The following CLVS1 variants were observed in gnomAD, a reference collection of about 807,000 sequenced individuals.
The protein encoded by CLVS1 is clavesin-1.
A neutral mutation model predicts 33.1 loss-of-function variants in CLVS1; 10 were observed. That is an observed-to-expected ratio of 0.30 (90% confidence interval 0.19 to 0.51). The LOEUF is 0.51. CLVS1 is among the 20% of genes least tolerant of loss of function. The probability of loss-of-function intolerance (pLI) is 0.97; values close to 1 mark genes in which losing one functional copy is unlikely to be tolerated. For synonymous variants in CLVS1, 163 were observed against 166.1 expected, an observed-to-expected ratio of 0.98 and a Z score of 0.14; for missense variants, 343 against 433.4, an observed-to-expected ratio of 0.79 and a Z score of 1.85.
intron 2 of CLVS1, among the ~76,000 whole-genome samples, chr8:61,270,742 G>A (rs1809419681): frequency 6.6e-6 from 1 of 152,058 alleles, no homozygotes; most frequent in Admixed American, 6.5e-5. Context: ...TTTACTCTTG[G>A]GAGAGTGTAT....
At chr8:60,980,521 C>T in the CLVS1 span, among the ~76,000 whole-genome samples, 1 of 152,192 alleles carries the variant, frequency 6.6e-6, no homozygotes, top group Non-Finnish European at 1.5e-5. Context: ...TGGGATAGCT[C>T]ACACCTGTAA....
chr8:61,184,001 C>T (rs1054661325), intron 2 of CLVS1, among the ~76,000 whole-genome samples: 1 of 152,142 alleles, frequency 6.6e-6, no homozygotes, highest in African/African-American at 2.4e-5. Flanking sequence ...TCCTAGGCAA[C>T]TTCCAAGAAA....
chr8:61,398,835 G>C (rs1456965328), intron 3 of CLVS1, among the ~76,000 whole-genome samples: 1 of 152,124 alleles, frequency 6.6e-6, no homozygotes, highest in Non-Finnish European at 1.5e-5. Context: ...GTTTGCTGAG[G>C]ATAATGGCTT....
intron 5 of CLVS1, chr8:61,464,572 C>T (rs1817480877): frequency 6.6e-6 from 1 of 152,256 alleles, no homozygotes; most frequent in Non-Finnish European, 1.5e-5. Context: ...GGAAGAATCA[C>T]TAATTTTGTC....
chr8:61,014,223 T>G, the CLVS1 span, among the ~76,000 whole-genome samples: 1 of 152,116 alleles, frequency 6.6e-6, no homozygotes, highest in African/African-American at 2.4e-5. Flanking sequence ...TGGAATTGTT[T>G]AAGATATTCC....
intron 1 of CLVS1, among the ~76,000 whole-genome samples, chr8:61,085,408 C>G (rs1805098856): frequency 6.6e-6 from 1 of 152,134 alleles, no homozygotes; most frequent in African/African-American, 2.4e-5. Context: ...GAAATCATGT[C>G]TCTTCTCTCT....
At chr8:61,051,103 C>T in the CLVS1 span, among the ~76,000 whole-genome samples, 2 of 152,208 alleles carry the variant, frequency 1.3e-5, no homozygotes, top group African/African-American at 2.4e-5. Flanking sequence ...TCACCTGTCA[C>T]GTTGCAGATT....
At chr8:61,070,205 C>T (rs1398858334) in intron 1 of CLVS1, among the ~76,000 whole-genome samples, 2 of 152,156 alleles carry the variant, frequency 1.3e-5, no homozygotes, top group African/African-American at 4.8e-5. Context: ...GCTTACTTTC[C>T]TATCTCTGCA....
intron 2 of CLVS1, among the ~76,000 whole-genome samples, chr8:61,278,687 G>A (rs1380673572): frequency 6.6e-6 from 1 of 152,212 alleles, no homozygotes; most frequent in African/African-American, 2.4e-5. Flanking sequence ...TAGTGAAACA[G>A]GAGCCTTGAA....
chr8:61,174,995 T>A (rs149370909), intron 2 of CLVS1, among the ~76,000 whole-genome samples: 1,529 of 110,456 alleles, frequency 0.014, 12 homozygotes, highest in Non-Finnish European at 0.02. Context: ...TTATCTTATG[T>A]TTGAATTTTT....
intron 1 of CLVS1, among the ~76,000 whole-genome samples, chr8:61,113,861 G>A (rs1370114349): frequency 6.6e-6 from 1 of 152,178 alleles, no homozygotes; most frequent in Non-Finnish European, 1.5e-5. Context: ...CAAATCCCTG[G>A]CTCAGGCAAC....
intron 1 of CLVS1, among the ~76,000 whole-genome samples, chr8:61,070,917 TC>T (rs1220095326): frequency 3.9e-5 from 6 of 152,308 alleles, no homozygotes; most frequent in African/African-American, 1.4e-4. Flanking sequence ...TTGGGGTCCT[TC>T]CTCTTTGATC....
At chr8:61,055,779 C>A (rs1804464472), upstream of CLVS1, among the ~76,000 whole-genome samples, 1 of 152,200 alleles carries the variant, frequency 6.6e-6, no homozygotes, top group Non-Finnish European at 1.5e-5. Flanking sequence ...TAAACTACTA[C>A]AATAGAAAAG....
At chr8:60,971,041 C>CT in the CLVS1 span, among the ~76,000 whole-genome samples, 20 of 129,638 alleles carry the variant, frequency 1.5e-4, no homozygotes, top group Non-Finnish European at 1.6e-4. Context: ...AATCTAGCAA[C>CT]TTTTTTTTTT....
chr8:61,005,591 G>C, the CLVS1 span, among the ~76,000 whole-genome samples: 1 of 152,172 alleles, frequency 6.6e-6, no homozygotes, highest in East Asian at 1.9e-4. Flanking sequence ...GTTATTCAAC[G>C]CTTCTCCGAA....
At chr8:61,280,926 A>T (rs1585745219) in intron 2 of CLVS1, among the ~76,000 whole-genome samples, 2 of 152,270 alleles carry the variant, frequency 1.3e-5, no homozygotes, top group African/African-American at 4.8e-5. Flanking sequence ...CCACGCTTGG[A>T]GATCATTAAC....
chr8:61,060,852 G>A (rs1398152447), intron 1 of CLVS1, among the ~76,000 whole-genome samples: 2 of 152,154 alleles, frequency 1.3e-5, no homozygotes, highest in Admixed American at 6.6e-5. Context: ...TTGAAACCAG[G>A]CCTGATAACA....
chr8:61,484,124 A>G (rs1803774875), intron 5 of CLVS1, among the ~76,000 whole-genome samples: 1 of 152,222 alleles, frequency 6.6e-6, no homozygotes, highest in South Asian at 2.1e-4. Flanking sequence ...AATATAGGGT[A>G]TTAAATTAGG....
At chr8:61,187,556 G>A (rs1807366967) in intron 2 of CLVS1, among the ~76,000 whole-genome samples, 1 of 152,030 alleles carries the variant, frequency 6.6e-6, no homozygotes, top group Admixed American at 6.6e-5. Context: ...AACTTATTTA[G>A]TAACCAAAGT....
Sources: allele counts gnomAD v4.1 joint callset (sites outside exome capture counted in the v4.1 genomes callset), GRCh38; gene constraint gnomAD v4.1.1; transcripts MANE v1.5; gene names NCBI Gene and HGNC (gene_info 2026-07-23, HGNC 2026-07-21).